MACROD2: variants seen among roughly 807,000 people sequenced by gnomAD.
MACROD2 encodes ADP-ribose glycohydrolase MACROD2.
A neutral mutation model predicts 70.4 loss-of-function variants in MACROD2; 36 were observed. The ratio of observed to expected loss-of-function variants is 0.51; its 90% CI spans 0.39 to 0.68. The LOEUF is 0.68. MACROD2 is among the 30% of genes least tolerant of loss of function. The probability of loss-of-function intolerance (pLI) is 0.00; values close to 1 mark genes in which losing one functional copy is unlikely to be tolerated. For synonymous variants in MACROD2, 172 were observed against 178.8 expected (o/e 0.96, Z 0.30); for missense variants, 496 against 538.4 (o/e 0.92, Z 0.78).
chr20:14,271,634 G>A (rs541169830), intron 3 of MACROD2, among the ~76,000 whole-genome samples: 1 of 152,362 alleles, frequency 6.6e-6, no homozygotes, highest in South Asian at 2.1e-4. Context: ...ACGGAACAAA[G>A]CTGAATGGAG....
At chr20:14,669,953 A>C (rs2070776326) in intron 4 of MACROD2, among the ~76,000 whole-genome samples, 1 of 151,976 alleles carries the variant, frequency 6.6e-6, no homozygotes, top group Admixed American at 6.6e-5. Flanking sequence ...CCTTCAAGGA[A>C]TATAGTGTTA....
intron 5 of MACROD2, among the ~76,000 whole-genome samples, chr20:14,936,673 A>G (rs1006425812): frequency 2.6e-5 from 4 of 151,476 alleles, no homozygotes; most frequent in African/African-American, 9.7e-5. Flanking sequence ...CAATGGCCCC[A>G]CTCATGCATG....
intron 3 of MACROD2, among the ~76,000 whole-genome samples, chr20:14,213,603 A>G (rs553138415): frequency 6.6e-5 from 10 of 152,120 alleles, no homozygotes; most frequent in East Asian, 3.9e-4. Flanking sequence ...TATAGCTTCA[A>G]TAGTGATGAT....
At chr20:15,143,908 A>G (rs1327589173) in intron 5 of MACROD2, among the ~76,000 whole-genome samples, 1 of 150,782 alleles carries the variant, frequency 6.6e-6, no homozygotes, top group African/African-American at 2.4e-5. Flanking sequence ...CTTGAGCCAC[A>G]CATAAAATAC....
At chr20:15,535,490 C>G (rs1292640190) in intron 8 of MACROD2, among the ~76,000 whole-genome samples, 1 of 152,166 alleles carries the variant, frequency 6.6e-6, no homozygotes, top group Non-Finnish European at 1.5e-5. Flanking sequence ...AGGAAATTCT[C>G]CAGGTGATTG....
intron 5 of MACROD2, among the ~76,000 whole-genome samples, chr20:14,853,656 T>C (rs1369136144): frequency 4.6e-5 from 7 of 152,182 alleles, no homozygotes; most frequent in Non-Finnish European, 8.8e-5. Flanking sequence ...ATTAAATGCC[T>C]TAAGAAATGA....
intron 5 of MACROD2, among the ~76,000 whole-genome samples, chr20:14,700,291 G>A (rs2071179821): frequency 6.6e-6 from 1 of 151,800 alleles, no homozygotes; most frequent in Non-Finnish European, 1.5e-5. Context: ...AAGATCTTAG[G>A]TGCTGTATTT....
chr20:14,001,847 C>T (rs959376409), intron 1 of MACROD2, among the ~76,000 whole-genome samples: 1 of 152,170 alleles, frequency 6.6e-6, no homozygotes, highest in Non-Finnish European at 1.5e-5. Flanking sequence ...CTCACGAAAA[C>T]TCACTATCTT....
chr20:15,889,593 G>C (rs939078857), intron 10 of MACROD2, among the ~76,000 whole-genome samples: 2 of 152,178 alleles, frequency 1.3e-5, no homozygotes, highest in African/African-American at 4.8e-5. Flanking sequence ...GGAGGTAGAA[G>C]AAGCAGACTG....
At chr20:14,484,893 A>G (rs1198502332) in intron 3 of MACROD2, among the ~76,000 whole-genome samples, 1 of 152,212 alleles carries the variant, frequency 6.6e-6, no homozygotes, top group African/African-American at 2.4e-5. Flanking sequence ...ATAGTGCTGC[A>G]ACAAATACAA....
At chr20:15,905,973 C>G (rs565280777) in intron 10 of MACROD2, among the ~76,000 whole-genome samples, 26 of 152,310 alleles carry the variant, frequency 1.7e-4, no homozygotes, top group African/African-American at 6.3e-4. Flanking sequence ...TCTCCGTAGA[C>G]AGAAAATGCT....
chr20:14,140,221 G>T (rs1044141462), intron 3 of MACROD2, among the ~76,000 whole-genome samples: 1 of 152,140 alleles, frequency 6.6e-6, no homozygotes, highest in African/African-American at 2.4e-5. Context: ...CTAGGATTTT[G>T]ACCATTTCTA....
At chr20:15,574,236 C>T (rs1229582132) in intron 8 of MACROD2, among the ~76,000 whole-genome samples, 1 of 152,000 alleles carries the variant, frequency 6.6e-6, no homozygotes, top group Non-Finnish European at 1.5e-5. Flanking sequence ...CCCCAGGAAG[C>T]CATGCTGAAT....
chr20:14,130,060 A>C (rs1442857480), intron 3 of MACROD2, among the ~76,000 whole-genome samples: 1 of 152,154 alleles, frequency 6.6e-6, no homozygotes, highest in South Asian at 2.1e-4. Flanking sequence ...TACCCAACTG[A>C]GGAAGACAAT....
intron 2 of MACROD2, among the ~76,000 whole-genome samples, chr20:14,026,786 T>C (rs1045297064): frequency 6.6e-6 from 1 of 152,220 alleles, no homozygotes; most frequent in Non-Finnish European, 1.5e-5. Flanking sequence ...ATTTTTTCAT[T>C]CATTACAACC....
chr20:15,324,841 G>A (rs1401819831), intron 6 of MACROD2, among the ~76,000 whole-genome samples: 1 of 152,008 alleles, frequency 6.6e-6, no homozygotes, highest in African/African-American at 2.4e-5. Context: ...AAATATGAAG[G>A]CAATATAGGT....
intron 8 of MACROD2, among the ~76,000 whole-genome samples, chr20:15,682,506 T>C (rs16996377): frequency 0.03 from 4,611 of 152,272 alleles, 72 homozygotes; most frequent in Middle Eastern, 0.044. Flanking sequence ...ACAAGAATTA[T>C]AGCCATTGTC....
intron 3 of MACROD2, among the ~76,000 whole-genome samples, chr20:14,220,217 G>C (rs779759326): frequency 2.0e-5 from 3 of 152,084 alleles, no homozygotes; most frequent in African/African-American, 4.8e-5. Flanking sequence ...CTGCTGTTGG[G>C]GGGTGGAGGT....
intron 6 of MACROD2, among the ~76,000 whole-genome samples, chr20:15,425,041 C>T (rs983450259): frequency 7.2e-5 from 11 of 152,148 alleles, no homozygotes; most frequent in Admixed American, 3.3e-4. Context: ...GAAAGAGCTA[C>T]GCGCAAAACT....
Sources: allele counts gnomAD v4.1 joint callset (sites outside exome capture counted in the v4.1 genomes callset), GRCh38; gene constraint gnomAD v4.1.1; transcripts MANE v1.5; gene names NCBI Gene and HGNC (gene_info 2026-07-23, HGNC 2026-07-21).